The following MTCL2 variants were observed in gnomAD, a reference collection of about 807,000 sequenced individuals.
The protein encoded by MTCL2 is microtubule cross-linking factor 2.
At chr20:36,781,237 G>C in the MTCL2 span, 1 of 152,120 alleles carries the variant, frequency 6.6e-6, no homozygotes, top group African/African-American at 2.4e-5. Context: ...CATGTTTATT[G>C]GTTAAAAGAA....
At chr20:36,846,130 TG>T in the MTCL2 span, among the ~76,000 whole-genome samples, 2 of 151,328 alleles carry the variant, frequency 1.3e-5, no homozygotes, top group Non-Finnish European at 1.5e-5. Flanking sequence ...TGCTTGAATT[TG>T]GGAGGCAGAG....
At chr20:36,830,465 G>C in the MTCL2 span, among the ~76,000 whole-genome samples, 225 of 152,214 alleles carry the variant, frequency 1.5e-3, 2 homozygotes, top group African/African-American at 5.2e-3. Flanking sequence ...CTACTCAGGA[G>C]GCCAACATGG....
the MTCL2 span, among the ~76,000 whole-genome samples, chr20:36,822,228 A>G: frequency 6.6e-6 from 1 of 152,264 alleles, no homozygotes; most frequent in Admixed American, 6.5e-5. Flanking sequence ...GGCCTGTCAG[A>G]GCCCCTTTGT....
the MTCL2 span, among the ~76,000 whole-genome samples, chr20:36,796,381 C>T: frequency 6.6e-6 from 1 of 152,186 alleles, no homozygotes; most frequent in Admixed American, 6.5e-5. Flanking sequence ...CTGGGCTGGT[C>T]TGATAGCGGC....
At chr20:36,852,466 A>C in the MTCL2 span, among the ~76,000 whole-genome samples, 1 of 152,186 alleles carries the variant, frequency 6.6e-6, no homozygotes, top group South Asian at 2.1e-4. Context: ...TCCAGATGAG[A>C]TCATCACACT....
chr20:36,808,964 G>C, the MTCL2 span, among the ~76,000 whole-genome samples: 1 of 152,186 alleles, frequency 6.6e-6, no homozygotes, highest in Non-Finnish European at 1.5e-5. Flanking sequence ...TTTGACCCTG[G>C]CTCTAAAAAA....
chr20:36,839,755 C>CAAGGAA, the MTCL2 span, among the ~76,000 whole-genome samples: 1 of 152,198 alleles, frequency 6.6e-6, no homozygotes, highest in Non-Finnish European at 1.5e-5. The surrounding 1 kb of genome is among the most constrained non-coding windows in gnomAD (Gnocchi z 5.1). Context: ...CCTCTCAAGG[C>CAAGGAA]AAGGAAAAGG....
At chr20:36,843,137 G>T in the MTCL2 span, among the ~76,000 whole-genome samples, 1 of 152,168 alleles carries the variant, frequency 6.6e-6, no homozygotes, top group Non-Finnish European at 1.5e-5. Context: ...GGGAGGAAGG[G>T]GGATCTGATT....
chr20:36,845,027 G>T, the MTCL2 span, among the ~76,000 whole-genome samples: 2 of 98,788 alleles, frequency 2.0e-5, no homozygotes, highest in Admixed American at 2.0e-4. Context: ...AAAAAAAAAA[G>T]AAGAAGAAGA....
the MTCL2 span, among the ~76,000 whole-genome samples, chr20:36,791,034 A>G: frequency 6.6e-6 from 1 of 151,406 alleles, no homozygotes. Context: ...TAAAACATTT[A>G]TATTTTTTTT....
At chr20:36,812,523 G>A in the MTCL2 span, among the ~76,000 whole-genome samples, 5 of 152,234 alleles carry the variant, frequency 3.3e-5, no homozygotes, top group Non-Finnish European at 7.3e-5. Context: ...ATCAGGCCAT[G>A]AGAATGTCCC....
At chr20:36,785,142 T>C in the MTCL2 span, 9 of 985,370 alleles carry the variant, frequency 9.1e-6, no homozygotes, top group Non-Finnish European at 1.1e-5. Context: ...TAAGTAGTGT[T>C]CTGAGGCCAC....
At chr20:36,801,652 G>T in the MTCL2 span, among the ~76,000 whole-genome samples, 1 of 151,906 alleles carries the variant, frequency 6.6e-6, no homozygotes, top group African/African-American at 2.4e-5. Flanking sequence ...TAAAGATGAA[G>T]TCCTGATTTA....
chr20:36,857,110 A>G, the MTCL2 span, among the ~76,000 whole-genome samples: 1 of 152,120 alleles, frequency 6.6e-6, no homozygotes, highest in African/African-American at 2.4e-5. Context: ...TGGCAAGGGT[A>G]GATGTGCAGA....
the MTCL2 span, among the ~76,000 whole-genome samples, chr20:36,854,975 G>A: frequency 6.6e-6 from 1 of 152,182 alleles, no homozygotes; most frequent in African/African-American, 2.4e-5. Context: ...TGCCCAAAAT[G>A]CAGTGCAGCT....
the MTCL2 span, among the ~76,000 whole-genome samples, chr20:36,824,712 G>T: frequency 6.6e-6 from 1 of 151,548 alleles, no homozygotes; most frequent in Non-Finnish European, 1.5e-5. Flanking sequence ...GAGTACACTG[G>T]CGTGATCTTG....
chr20:36,822,956 G>A, the MTCL2 span, among the ~76,000 whole-genome samples: 2 of 152,032 alleles, frequency 1.3e-5, no homozygotes, highest in African/African-American at 2.4e-5. Flanking sequence ...ATGGGATTTC[G>A]CCATGTTGCC....
At chr20:36,808,635 G>C in the MTCL2 span, 1 of 1,612,390 alleles carries the variant, frequency 6.2e-7, no homozygotes, top group Non-Finnish European at 8.5e-7. Context: ...TCCTGCACCA[G>C]CATGTTCTTC....
At chr20:36,815,085 G>GA in the MTCL2 span, 1 of 1,511,730 alleles carries the variant, frequency 6.6e-7, no homozygotes, top group Non-Finnish European at 8.9e-7. This position sits in a 1 kb window ranked among gnomAD's most constrained non-coding sequence, Gnocchi z 5.3. Flanking sequence ...CAAAACAAAG[G>GA]AAAAAAATAA....
Sources: allele counts gnomAD v4.1 joint callset (sites outside exome capture counted in the v4.1 genomes callset), GRCh38; gene constraint gnomAD v4.1.1; non-coding constraint Gnocchi (gnomAD v3.1); transcripts MANE v1.5; gene names NCBI Gene and HGNC (gene_info 2026-07-23, HGNC 2026-07-21).